Variants in PRAMEF20 observed in about 807,000 individuals in gnomAD.
PRAMEF20 encodes PRAME family member 20/21.
In PRAMEF20, 27 loss-of-function variants were observed where a neutral mutation model predicts 32.4. The ratio of observed to expected loss-of-function variants is 0.83; its 90% CI spans 0.61 to 1.15. PRAMEF20 has a LOEUF of 1.15. Among genes scored for constraint, PRAMEF20 ranks in the 50% most tolerant of loss-of-function variants. The pLI is 0.00. For missense variants in PRAMEF20, 604 were observed against 584.5 expected (o/e 1.03, Z -0.34); for synonymous variants, 256 against 235.4 (o/e 1.09, Z -0.80).
the PRAMEF20 span, chr1:13,410,577 C>G: frequency 1.3e-5 from 2 of 151,144 alleles, no homozygotes; most frequent in Non-Finnish European, 2.9e-5. Context: ...TACAGTCAGC[C>G]GGTCTGGGAT....
chr1:13,421,165 G>C, exon 3 of PRAMEF20: 1 of 1,613,926 alleles, frequency 6.2e-7, no homozygotes. Context: ...GGGCCTTAAG[G>C]GAGCCCGAGA....
intron 1 of PRAMEF20, among the ~76,000 whole-genome samples, chr1:13,417,645 A>C (rs1641191295): frequency 6.6e-6 from 1 of 151,606 alleles, no homozygotes; most frequent in Non-Finnish European, 1.5e-5. Context: ...AGGGTAAAAC[A>C]GGGTGGAGAA....
chr1:13,420,822 G>A (rs1641234521), exon 3 of PRAMEF20: 1 of 1,613,934 alleles, frequency 6.2e-7, no homozygotes, highest in Non-Finnish European at 8.5e-7. Context: ...AGTGGCACCA[G>A]ACTGGCCAAT....
At chr1:13,420,698 T>C in exon 3 of PRAMEF20, 2 of 1,613,932 alleles carry the variant, frequency 1.2e-6, no homozygotes, top group Non-Finnish European at 1.7e-6. Context: ...TCTCCCCAGC[T>C]GTCTAAAGAC....
chr1:13,416,366 G>A, exon 1 of PRAMEF20: 1 of 1,612,912 alleles, frequency 6.2e-7, no homozygotes, highest in Non-Finnish European at 8.5e-7. Context: ...TGAGCATCCG[G>A]ACTCCACCCA....
chr1:13,414,391 T>C (rs1178296067), upstream of PRAMEF20, among the ~76,000 whole-genome samples: 1 of 152,034 alleles, frequency 6.6e-6, no homozygotes, highest in Non-Finnish European at 1.5e-5. Flanking sequence ...TTTTGTGATT[T>C]TGTGTGCCCT....
At chr1:13,411,318 T>G in the PRAMEF20 span, among the ~76,000 whole-genome samples, 1 of 151,830 alleles carries the variant, frequency 6.6e-6, no homozygotes, top group African/African-American at 2.4e-5. Flanking sequence ...GGCAACAGAG[T>G]GAGACTCTGG....
intron 1 of PRAMEF20, among the ~76,000 whole-genome samples, 169 bp from the exon 3 acceptor site, chr1:13,417,953 T>TGTGTGTG (rs1253350852): frequency 3.5e-4 from 50 of 143,938 alleles, no homozygotes; most frequent in South Asian, 4.6e-4. Flanking sequence ...TGTGTGTGTG[T>TGTGTGTG]TTAGTAGAGA....
chr1:13,412,508 C>A (rs2933118), upstream of PRAMEF20, among the ~76,000 whole-genome samples: 101,167 of 151,804 alleles, frequency 0.67, 34,071 homozygotes, highest in South Asian at 0.76. Context: ...ATCTAGACAC[C>A]AGACTTTCAA....
chr1:13,420,054 C>CTT (rs1641226345), intron 2 of PRAMEF20, among the ~76,000 whole-genome samples: 1 of 152,080 alleles, frequency 6.6e-6, no homozygotes, highest in Non-Finnish European at 1.5e-5. Flanking sequence ...CAGGATCCTG[C>CTT]CTGGGTTTGT....
At chr1:13,416,001 C>G (rs927935587), upstream of PRAMEF20, among the ~76,000 whole-genome samples, 1 of 152,208 alleles carries the variant, frequency 6.6e-6, no homozygotes, top group East Asian at 1.9e-4. Flanking sequence ...CACTCCCATT[C>G]CCATTGTTTT....
chr1:13,420,691 C>T lies in PRAMEF20; in HGVS notation c.867-6C>T. The T allele has an allele frequency of 1.2e-6, 2 of 1,613,880 alleles. No homozygotes were observed. The highest frequency in any genetic ancestry group is 2.2e-5 in the South Asian group (2 of 91,072). On this transcript the variant is annotated splice_region_variant and splice_polypyrimidine_tract_variant and intron_variant, in intron 2 of 2. Transcript: ENST00000602960. ...CCAGAACTAACTTCCTGCTCTCTCT[C>T]CCCAGCTGTCTAAAGACCTCGTTAA...
intron 1 of PRAMEF20, among the ~76,000 whole-genome samples, chr1:13,417,559 C>G (rs1353921833): frequency 6.7e-6 from 1 of 150,300 alleles, no homozygotes; most frequent in Non-Finnish European, 1.5e-5. Context: ...GGCGAGATTG[C>G]GCCACTGCAC....
At chr1:13,421,034 A>G (rs909968633) in exon 3 of PRAMEF20, 299 of 1,613,814 alleles carry the variant, frequency 1.9e-4, no homozygotes, top group East Asian at 3.8e-4. Context: ...GTGCCACACA[A>G]TCAGACTCAA....
intron 1 of PRAMEF20, among the ~76,000 whole-genome samples, chr1:13,417,909 TTTG>T (rs1414440074): frequency 2.7e-5 from 3 of 109,952 alleles, no homozygotes; most frequent in Admixed American, 8.8e-5. Context: ...GCCCGGCTAA[TTTG>T]TGTGTGTGTG....
exon 3 of PRAMEF20, chr1:13,421,008 C>G: frequency 6.2e-7 from 1 of 1,613,920 alleles, no homozygotes; most frequent in Non-Finnish European, 8.5e-7. Context: ...TCCACGGCCA[C>G]CCTGGAGAAC....
At chr1:13,416,458 T>G in exon 1 of PRAMEF20, 1 of 1,613,946 alleles carries the variant, frequency 6.2e-7, no homozygotes, top group Non-Finnish European at 8.5e-7. Context: ...CCCACGGAAC[T>G]TTTTCCCCCA....
At chr1:13,417,224 C>T (rs900481316) in intron 1 of PRAMEF20, among the ~76,000 whole-genome samples, 3 of 152,192 alleles carry the variant, frequency 2.0e-5, no homozygotes, top group Admixed American at 2.0e-4. Flanking sequence ...CTTATGGTCC[C>T]CTCCCATGTT....
intron 1 of PRAMEF20, among the ~76,000 whole-genome samples, chr1:13,417,636 G>A (rs1334564829): frequency 2.0e-5 from 3 of 151,432 alleles, no homozygotes; most frequent in East Asian, 3.9e-4. Flanking sequence ...CAGGATCCAA[G>A]GGTAAAACAG....
Sources: gnomAD v4.1 joint callset for allele counts (sites outside exome capture counted in the v4.1 genomes callset) on GRCh38, gnomAD v4.1.1 for gene constraint, MANE v1.5 for transcripts, NCBI Gene and HGNC (gene_info 2026-07-23, HGNC 2026-07-21) for gene names.